The following FAM167A variants were observed in gnomAD, a reference collection of about 807,000 sequenced individuals.
FAM167A encodes the protein family with sequence similarity 167 member A, also known as protein FAM167A.
In FAM167A, 23 loss-of-function variants were observed where a neutral mutation model predicts 14.9. That is an observed-to-expected ratio of 1.55 (90% CI 1.11 to 2.19). The LOEUF is 2.19. FAM167A is among the 30% of genes most tolerant of loss of function. The pLI is 0.00. For missense variants in FAM167A, 401 were observed against 281.5 expected (o/e 1.42, Z -3.04); for synonymous variants, 174 against 117.7 (o/e 1.48, Z -3.10).
At chr8:11,431,950 G>A (rs1165315511) in intron 2 of FAM167A, among the ~76,000 whole-genome samples, 5 of 150,170 alleles carry the variant, frequency 3.3e-5, no homozygotes, top group Non-Finnish European at 7.4e-5. Context: ...GGCCCGAGAG[G>A]CTGGCCGGGG....
intron 2 of FAM167A, among the ~76,000 whole-genome samples, chr8:11,433,068 G>T (rs1397200649): frequency 6.6e-6 from 1 of 152,102 alleles, no homozygotes; most frequent in African/African-American, 2.4e-5. Flanking sequence ...CTGTTGGGGG[G>T]TAGGGAGGGA....
At chr8:11,429,511 C>T (rs575438917) in intron 2 of FAM167A, among the ~76,000 whole-genome samples, 10 of 152,320 alleles carry the variant, frequency 6.6e-5, no homozygotes, top group South Asian at 6.2e-4. Flanking sequence ...CAGCCGCACA[C>T]GTTTGACATA....
At chr8:11,450,215 TG>T (rs1563381887) in intron 1 of FAM167A, among the ~76,000 whole-genome samples, 1 of 152,232 alleles carries the variant, frequency 6.6e-6, no homozygotes, top group Admixed American at 6.5e-5. Flanking sequence ...GATTTTCTCC[TG>T]GGGGAAGTTT....
At position 11,421,593 on chromosome 8, in the gene FAM167A, T is replaced by C. The variant is rs1383693089; in HGVS notation, c.*2780A>G. ...TATAAATCGTCCATTGATTATGTAA[T>C]AGCACTTGGTATTGCTACAGGGTGT... On this transcript the variant is annotated 3_prime_UTR_variant, in exon 3 of 3. Transcript: ENST00000284486. 1.5e-5 allele frequency: 6 copies of C among 398,032 alleles called. No individual in the cohort carries two copies. The highest frequency in any genetic ancestry group is 2.2e-5 in the Non-Finnish European group (5 of 226,016). The allele number at this position is 398,032 out of a possible 1,614,324, so 24.7% of individuals were successfully genotyped here.
Position 11,444,122 on chromosome 8 carries a change from C to T in FAM167A, c.290G>A (p.Ser97Asn). ...CAGGGGTCTGGCACCTTGGCTGGCA[C>T]TCCTGGCAGAAGGGGGGTGCTGCCC... ...EAGQHPPSAR[S>N]ASQGARPLST... Residue 97 changes from serine (S) to asparagine (N), a missense_variant, in exon 2 of 3, where the codon AGT becomes AAT. Physicochemically the swap from Ser to Asn is conservative, Grantham distance 46. Transcript: ENST00000284486. The T allele has an allele frequency of 2.5e-6, 4 of 1,613,364 alleles. No homozygotes were observed. The highest frequency in any genetic ancestry group is 2.5e-6 in the Non-Finnish European group (3 of 1,180,008).
Position 11,472,931 on chromosome 8 carries a change from G to C in FAM167A, c.-398+2935C>G, listed in dbSNP as rs1808004919. Reference sequence around the variant, plus strand: ...AACTGTCAATTAGTGGTGTCTGGCAGTTACTATAAATCAAGGCCAGCAAGA... The same window carrying C: ...AACTGTCAATTAGTGGTGTCTGGCACTTACTATAAATCAAGGCCAGCAAGA... On this transcript the variant is annotated intron_variant, in intron 1 of 1. Coordinates refer to the FAM167A transcript ENST00000648766. 2.0e-5 allele frequency among the ~76,000 whole-genome samples: 3 copies of C among 152,232 alleles called. No homozygotes were observed. In the South Asian group the frequency reaches 6.2e-4, roughly 32 times the overall value.
At chr8:11,432,581 G>C (rs999394693) in intron 2 of FAM167A, among the ~76,000 whole-genome samples, 1 of 152,210 alleles carries the variant, frequency 6.6e-6, no homozygotes, top group Non-Finnish European at 1.5e-5. Flanking sequence ...TGCTGGAGAG[G>C]ATGTGCAGAA....
At chr8:11,436,514 C>T (rs1009304793) in intron 2 of FAM167A, among the ~76,000 whole-genome samples, 4 of 152,182 alleles carry the variant, frequency 2.6e-5, no homozygotes, top group Non-Finnish European at 4.4e-5. Flanking sequence ...GGCCAGTCGG[C>T]GGAGGGAGAG....
intron 1 of FAM167A, among the ~76,000 whole-genome samples, chr8:11,462,904 C>T (rs1349723000): frequency 2.0e-5 from 3 of 152,136 alleles, no homozygotes; most frequent in Non-Finnish European, 2.9e-5. Flanking sequence ...TTGGTAAAGA[C>T]AGAGGTATTC....
chr8:11,422,656 C>T lies in FAM167A; in HGVS notation c.*1717G>A, dbSNP rs1465923284. The T allele has an allele frequency of 1.3e-5, 2 of 152,208 alleles. No homozygotes were observed. Among genetic ancestry groups the T allele is most frequent in the East Asian group, 3.8e-4 (2 of 5,200 alleles). 9.4% of individuals were successfully genotyped at this position (152,208 alleles called of 1,614,324 possible). A position where few individuals can be genotyped will look rare whatever the true frequency, so the allele number is the denominator to read the frequency against. ...AAAAAGAGACCAAGTTCTTTTCTGT[C>T]TACTAGAGATCATTCATTTGCATTG... On this transcript the variant is annotated 3_prime_UTR_variant, in exon 3 of 3. Transcript: ENST00000284486.
At chr8:11,430,576 T>C (rs78826362) in intron 2 of FAM167A, among the ~76,000 whole-genome samples, 1 of 152,176 alleles carries the variant, frequency 6.6e-6, no homozygotes, top group Non-Finnish European at 1.5e-5. Flanking sequence ...AATGAAGTCA[T>C]TTTGAAAAAT....
rs17153216 is a variant in FAM167A, at chr8:11,424,757, T to C, written c.382-121A>G. On this transcript the variant is annotated intron_variant, in intron 2 of 2. Coordinates refer to ENST00000284486, the MANE Select transcript of FAM167A (RefSeq NM_053279.3). ...TCATTAAGTGGTCCATCTAGAAATATTAGCACTTTCCCTGCTCAGGGAGGT... is the reference window on the plus strand; with the variant it reads ...TCATTAAGTGGTCCATCTAGAAATACTAGCACTTTCCCTGCTCAGGGAGGT... 4,408 of 1,386,214 alleles carry C rather than the reference T, an allele frequency of 3.2e-3. 97 individuals are homozygous for C. The African/African-American group carries it at 0.054, about 17-fold the overall frequency. The allele number at this position is 1,386,214 out of a possible 1,614,324, so 85.9% of individuals were successfully genotyped here.
intron 1 of FAM167A, among the ~76,000 whole-genome samples, chr8:11,456,409 T>A (rs1462251869): frequency 2.5e-5 from 1 of 39,576 alleles, no homozygotes; most frequent in East Asian, 6.6e-4. Context: ...GTGTGGGGGG[T>A]GGTTGCCTTG....
intron 2 of FAM167A, among the ~76,000 whole-genome samples, chr8:11,429,491 GC>G (rs1563359464): frequency 6.6e-6 from 1 of 152,200 alleles, no homozygotes; most frequent in Non-Finnish European, 1.5e-5. Flanking sequence ...TGACAACACA[GC>G]CCCGGCTGCA....
chr8:11,448,764 G>C (rs112542805), intron 1 of FAM167A, among the ~76,000 whole-genome samples: 12 of 152,342 alleles, frequency 7.9e-5, no homozygotes, highest in African/African-American at 2.4e-4. Flanking sequence ...CGGGGTGTTG[G>C]AGAGACTCCA....
chr8:11,463,896 C>T (rs1303678472), intron 1 of FAM167A, among the ~76,000 whole-genome samples: 2 of 151,662 alleles, frequency 1.3e-5, no homozygotes, highest in Non-Finnish European at 2.9e-5. Context: ...GGGAGCAAAG[C>T]CACCCCCCAC....
intron 1 of FAM167A, among the ~76,000 whole-genome samples, chr8:11,447,155 CAATT>C (rs1806818094): frequency 6.6e-6 from 1 of 150,778 alleles, no homozygotes; most frequent in African/African-American, 2.4e-5. Flanking sequence ...GTATTGCAGA[CAATT>C]TATTTCAATT....
chr8:11,442,598 C>T (rs1013479099), intron 2 of FAM167A, among the ~76,000 whole-genome samples: 1 of 152,094 alleles, frequency 6.6e-6, no homozygotes, highest in African/African-American at 2.4e-5. Context: ...CCTAAGAAAG[C>T]AAATCAAAGC....
intron 2 of FAM167A, among the ~76,000 whole-genome samples, chr8:11,436,816 C>T (rs1384495522): frequency 1.3e-5 from 2 of 152,200 alleles, no homozygotes; most frequent in Non-Finnish European, 1.5e-5. Context: ...GTAGCGGGAG[C>T]TTCACATCTG....
Sources: gnomAD v4.1 joint callset for allele counts (sites outside exome capture counted in the v4.1 genomes callset) on GRCh38, gnomAD v4.1.1 for gene constraint, MANE v1.5 for transcripts, NCBI Gene and HGNC (gene_info 2026-07-23, HGNC 2026-07-21) for gene names.